The following PNPLA1 variants were observed in gnomAD, a reference collection of about 807,000 sequenced individuals.
PNPLA1 encodes omega-hydroxyceramide transacylase.
In PNPLA1, 36 loss-of-function variants were observed where a neutral mutation model predicts 51.7. That is an observed-to-expected ratio of 0.70 (90% CI 0.53 to 0.92). PNPLA1 has a LOEUF of 0.92. PNPLA1 is among the 40% of genes least tolerant of loss of function. The pLI, the probability that PNPLA1 is intolerant of heterozygous loss-of-function variation, is 0.00. For missense variants in PNPLA1, 658 were observed against 682.5 expected (o/e 0.96, Z 0.40); for synonymous variants, 293 against 280.1 (o/e 1.05, Z -0.46).
At chr6:36,289,555 G>A (rs1424082042) in intron 1 of PNPLA1, among the ~76,000 whole-genome samples, 8 of 151,958 alleles carry the variant, frequency 5.3e-5, no homozygotes, top group Non-Finnish European at 1.2e-4. Flanking sequence ...CAATTACGAT[G>A]CTGCATTGCT....
chr6:36,271,451 G>A (rs780433915), intron 1 of PNPLA1, among the ~76,000 whole-genome samples: 4 of 152,192 alleles, frequency 2.6e-5, no homozygotes, highest in Non-Finnish European at 4.4e-5. Context: ...CAAGGTCCCC[G>A]CCCTTGTGGA....
At chr6:36,282,212 G>GGAAGGAAGGGAAGGAAGGAA (rs1554136650) in intron 1 of PNPLA1, among the ~76,000 whole-genome samples, 9 of 108,630 alleles carry the variant, frequency 8.3e-5, no homozygotes, top group East Asian at 2.7e-4. Context: ...AAGGAAGGAA[G>GGAAGGAAGGGAAGGAAGGAA]GGAAGGAAGG....
Position 36,291,544 on chromosome 6 carries a change from C to T in PNPLA1, c.430C>T (p.Leu144Phe). ...VVSEFTSKEE[L>F]IEALYCSCFV... The stretch of plus-strand genomic sequence containing the variant: ...TTCAGAGTTCACGTCCAAGGAGGAG[C>T]TCATTGAGGCAAGGGGGCTGGGCTG... Residue 144 changes from leucine to phenylalanine, a missense_variant, in exon 2 of 9, where the codon CTC (leucine) becomes TTC (phenylalanine). By Grantham distance (22) the Leu-to-Phe change is conservative (BLOSUM62 0). Coordinates refer to ENST00000636260, the MANE Select transcript of PNPLA1 (RefSeq NM_001374623.1). The T allele has an allele frequency of 7.9e-7, 1 of 1,258,324 alleles. No individual in the cohort carries two copies. The highest frequency in any genetic ancestry group is 1.1e-6 in the Non-Finnish European group (1 of 942,166). 77.9% of individuals were successfully genotyped at this position (1,258,324 alleles called of 1,614,324 possible).
chr6:36,307,535 G>A (rs765044077), intron 7 of PNPLA1, 52 bp from the exon 8 acceptor site: 1 of 1,594,072 alleles, frequency 6.3e-7, no homozygotes, highest in Non-Finnish European at 8.6e-7. Context: ...CACCATGTTG[G>A]AGGACCGAGG....
At chr6:36,275,620 G>C (rs1419733974) in intron 1 of PNPLA1, among the ~76,000 whole-genome samples, 5 of 152,040 alleles carry the variant, frequency 3.3e-5, no homozygotes, top group Non-Finnish European at 7.4e-5. Flanking sequence ...TATTCTGTTG[G>C]CTAATTTGTC....
upstream of PNPLA1, among the ~76,000 whole-genome samples, chr6:36,265,743 G>C (rs1163105591): frequency 6.6e-6 from 1 of 152,178 alleles, no homozygotes; most frequent in Non-Finnish European, 1.5e-5. Flanking sequence ...TGGTGTGGGG[G>C]TTGGTGCAGT....
chr6:36,291,456 G>T lies in PNPLA1; in HGVS notation c.342G>T (p.Lys114Asn). 6.2e-7 allele frequency: 1 copy of T among 1,614,106 alleles called. No homozygotes were observed. Among genetic ancestry groups the T allele is most frequent in the Non-Finnish European group, 8.5e-7 (1 of 1,180,024 alleles). ...GGGTCCTGCCCGAGGACTCCTACAA[G>T]GTCACCACGGGGAAGCTCCATGTGA... ...LYRVLPEDSYKVTTGKLHVSL... is the reference protein window; with the variant it reads ...LYRVLPEDSYNVTTGKLHVSL... The change falls in exon 2 of 9, where the codon AAG becomes AAT. Residue 114 changes from lysine (K) to asparagine (N), a missense_variant. Coordinates refer to ENST00000636260, the MANE Select transcript of PNPLA1 (RefSeq NM_001374623.1).
intron 1 of PNPLA1, among the ~76,000 whole-genome samples, chr6:36,248,561 G>A (rs535068643): frequency 1.2e-4 from 18 of 148,820 alleles, no homozygotes; most frequent in Non-Finnish European, 2.5e-4. Context: ...TTGCTCTGTC[G>A]CCCAGGCTGG....
Position 36,291,404 on chromosome 6 carries a change from T to C in PNPLA1, c.290T>C (p.Val97Ala), listed in dbSNP as rs543029668. 26 of 1,614,152 alleles carry C rather than the reference T, an allele frequency of 1.6e-5. No individual in the cohort carries two copies. In the African/African-American group the frequency reaches 2.9e-4, roughly 18 times the overall value. ...LGPLSPSCKM[V>A]QMMRQFLYRV... is the part of the protein sequence containing the mutation. ...CCCTTGTCCCCGTCCTGTAAGATGG[T>C]GCAGATGATGAGGCAGTTTCTGTAC... Residue 97 changes from valine to alanine, a missense_variant, in exon 2 of 9, where the codon GTG becomes GCG. Physicochemically the swap from Val to Ala is moderately conservative, Grantham distance 64 (BLOSUM62 0). Transcript: ENST00000636260.
chr6:36,267,100 C>T (rs570126790), upstream of PNPLA1, among the ~76,000 whole-genome samples: 12 of 152,152 alleles, frequency 7.9e-5, no homozygotes, highest in Non-Finnish European at 1.6e-4. Flanking sequence ...CACGTGATTT[C>T]CTCAGGGATG....
chr6:36,296,845 A>G (rs879840891), intron 5 of PNPLA1, among the ~76,000 whole-genome samples: 15 of 152,162 alleles, frequency 9.9e-5, no homozygotes, highest in Non-Finnish European at 1.9e-4. Flanking sequence ...TAATCTGTAA[A>G]AAAAAGGGGG....
At chr6:36,247,358 C>G (rs1014869578) in intron 1 of PNPLA1, among the ~76,000 whole-genome samples, 2 of 152,288 alleles carry the variant, frequency 1.3e-5, no homozygotes, top group African/African-American at 4.8e-5. Flanking sequence ...ACTTGCTTGG[C>G]AAAACCCCAA....
Position 36,294,316 on chromosome 6 carries a change from T to C in PNPLA1, c.631T>C (p.Phe211Leu). 6.2e-7 allele frequency: 1 copy of C among 1,614,214 alleles called. No homozygotes were observed. Among genetic ancestry groups the C allele is most frequent in the Non-Finnish European group, 8.5e-7 (1 of 1,180,038 alleles). Residue 211 changes from phenylalanine to leucine, a missense_variant, in exon 4 of 9, where the codon TTC (phenylalanine) becomes CTC (leucine). Physicochemically the swap from Phe to Leu is conservative, Grantham distance 22. Coordinates refer to ENST00000636260, the MANE Select transcript of PNPLA1 (RefSeq NM_001374623.1). The surrounding 1 kb of genome is among the most constrained non-coding windows in gnomAD (Gnocchi z 4.2). ...GGACTGCCCGGCCATCTTCCACGACTTCCGCATGTTCAACTGCTCCTTCCA... is the reference window on the plus strand; with the variant it reads ...GGACTGCCCGGCCATCTTCCACGACCTCCGCATGTTCAACTGCTCCTTCCA... ...PRDCPAIFHD[F>L]RMFNCSFQFS...
upstream of PNPLA1, among the ~76,000 whole-genome samples, chr6:36,269,895 C>A (rs148212881): frequency 2.3e-3 from 345 of 152,338 alleles, 3 homozygotes; most frequent in African/African-American, 7.9e-3. Context: ...TTGGGGGACC[C>A]GTCCAAAAGA....
At chr6:36,295,302 G>T in intron 4 of PNPLA1, 62 bp from the exon 5 acceptor site, 1 of 1,568,420 alleles carries the variant, frequency 6.4e-7, no homozygotes, top group South Asian at 1.1e-5. Flanking sequence ...CCTGGGTCGG[G>T]GGAACTGTGG....
chr6:36,308,186 G>A (rs1281940790), intron 8 of PNPLA1: 1 of 152,698 alleles, frequency 6.5e-6, no homozygotes, highest in African/African-American at 2.4e-5. Context: ...AGAACAGCCT[G>A]ACCAACATGG....
chr6:36,245,056 C>T (rs1561843418), intron 1 of PNPLA1, among the ~76,000 whole-genome samples: 1 of 152,210 alleles, frequency 6.6e-6, no homozygotes, highest in Non-Finnish European at 1.5e-5. Context: ...GCGGGGCCCG[C>T]AGGTCATAGG....
rs368522613 is a variant in PNPLA1, at chr6:36,295,434, G to A, written c.775+10G>A. 1.3e-5 allele frequency: 21 copies of A among 1,614,084 alleles called. 1 individual carries two copies. The highest frequency in any genetic ancestry group is 3.3e-4 in the Middle Eastern group (2 of 6,062). On this transcript the variant is annotated intron_variant, in intron 5 of 8. Coordinates refer to ENST00000636260, the MANE Select transcript of PNPLA1 (RefSeq NM_001374623.1). The stretch of plus-strand genomic sequence containing the variant: ...TACTTGAGGCGGCTGAGTAAGTACC[G>A]GTGGGGCCCCAGGTAAGGGCAGTGT...
upstream of PNPLA1, among the ~76,000 whole-genome samples, chr6:36,266,086 A>C (rs1769753268): frequency 6.6e-6 from 1 of 152,230 alleles, no homozygotes. Context: ...TGAGGCACTA[A>C]AGCTTTTGTC....
Sources: allele counts gnomAD v4.1 joint callset (sites outside exome capture counted in the v4.1 genomes callset), GRCh38; gene constraint gnomAD v4.1.1; non-coding constraint Gnocchi (gnomAD v3.1); transcripts MANE v1.5; gene names NCBI Gene and HGNC (gene_info 2026-07-23, HGNC 2026-07-21).